Variants in RBFOX1 observed in about 807,000 individuals in gnomAD.
RBFOX1 encodes the protein RNA binding protein fox-1 homolog 1.
Under a neutral mutation model 57.7 loss-of-function variants are expected in RBFOX1, and 8 were observed. The ratio of observed to expected loss-of-function variants is 0.14; its 90% CI spans 0.08 to 0.25. RBFOX1 has a LOEUF of 0.25. Ranked by LOEUF, RBFOX1 falls within the 10% of genes least tolerant of loss-of-function variation. The probability of loss-of-function intolerance (pLI) is 1.00; values close to 1 mark genes in which losing one functional copy is unlikely to be tolerated. For synonymous variants in RBFOX1, 326 were observed against 222.4 expected, an observed-to-expected ratio of 1.47 and a Z score of -4.15; for missense variants, 611 against 548.5, an observed-to-expected ratio of 1.11 and a Z score of -1.14.
At chr16:6,466,729 G>A (rs780231118) in intron 2 of RBFOX1, among the ~76,000 whole-genome samples, 7 of 152,216 alleles carry the variant, frequency 4.6e-5, no homozygotes, top group South Asian at 2.1e-4. Context: ...TGAACTAGGC[G>A]AGGCTCTCTT....
At chr16:6,909,442 G>A (rs185248618) in intron 3 of RBFOX1, among the ~76,000 whole-genome samples, 24 of 152,296 alleles carry the variant, frequency 1.6e-4, no homozygotes, top group Admixed American at 1.2e-3. Context: ...GCAAGGTGAC[G>A]TATTCACACC....
chr16:7,439,220 G>A (rs2098746735), intron 4 of RBFOX1, among the ~76,000 whole-genome samples: 1 of 152,168 alleles, frequency 6.6e-6, no homozygotes, highest in East Asian at 1.9e-4. Flanking sequence ...AAAATCCAGT[G>A]CAAGGAGCAA....
At chr16:6,171,629 G>C (rs987121544) in intron 1 of RBFOX1, among the ~76,000 whole-genome samples, 1 of 152,088 alleles carries the variant, frequency 6.6e-6, no homozygotes, top group African/African-American at 2.4e-5. Context: ...ATTTTCAAGG[G>C]TTAAAAGTAG....
Position 6,243,564 on chromosome 16 carries a change from G to A in RBFOX1, c.-126-73431G>A, listed in dbSNP as rs377027343. On this transcript the variant is annotated intron_variant, in intron 1 of 15. Transcript: ENST00000550418. The stretch of plus-strand genomic sequence containing the variant: ...TCAGTCCTCGTTCAGCAAGAAGCAG[G>A]GTATCATGTCCTCTAATCATGGTCC... 3.9e-5 allele frequency among the ~76,000 whole-genome samples: 6 copies of A among 152,220 alleles called. No individual in the cohort carries two copies. The East Asian group carries it at 9.7e-4, about 25-fold the overall frequency.
At chr16:5,496,974 G>C (rs920829622) in intron 2 of RBFOX1, among the ~76,000 whole-genome samples, 1 of 152,100 alleles carries the variant, frequency 6.6e-6, no homozygotes, top group Non-Finnish European at 1.5e-5. Flanking sequence ...CAATTATCTG[G>C]CATAACTTTT....
intron 4 of RBFOX1, among the ~76,000 whole-genome samples, chr16:7,467,236 A>G (rs1035365546): frequency 4.6e-5 from 7 of 152,168 alleles, no homozygotes; most frequent in South Asian, 2.1e-4. Context: ...GAACTTTCCA[A>G]TGAGTCTCCT....
intron 4 of RBFOX1, among the ~76,000 whole-genome samples, chr16:7,242,805 G>A (rs772228002): frequency 2.0e-5 from 3 of 152,198 alleles, no homozygotes; most frequent in African/African-American, 7.2e-5. Context: ...CAAATTTTCT[G>A]TTTGTTGATT....
intron 4 of RBFOX1, among the ~76,000 whole-genome samples, chr16:7,105,542 T>A (rs187765501): frequency 1.3e-5 from 2 of 152,180 alleles, no homozygotes; most frequent in East Asian, 3.9e-4. Context: ...TGCTTCCTCA[T>A]AGCTTAGCTC....
At chr16:7,621,503 C>T (rs1476126741) in intron 10 of RBFOX1, among the ~76,000 whole-genome samples, 4 of 152,110 alleles carry the variant, frequency 2.6e-5, no homozygotes, top group Non-Finnish European at 2.9e-5. Flanking sequence ...CTCAAGTGAT[C>T]CTCCTGCCTT....
At chr16:5,447,510 G>A (rs576156927) in intron 1 of RBFOX1, among the ~76,000 whole-genome samples, 2 of 152,048 alleles carry the variant, frequency 1.3e-5, no homozygotes, top group Admixed American at 1.3e-4. Flanking sequence ...TGGTTCTCCT[G>A]CCTCAGCCTC....
chr16:7,440,050 C>T (rs2098754346), intron 4 of RBFOX1, among the ~76,000 whole-genome samples: 2 of 148,902 alleles, frequency 1.3e-5, no homozygotes, highest in Non-Finnish European at 3.0e-5. Flanking sequence ...CTCCCGGGTT[C>T]AGGTGATCCT....
intron 4 of RBFOX1, among the ~76,000 whole-genome samples, chr16:7,516,584 C>A (rs564903776): frequency 2.0e-5 from 3 of 152,304 alleles, no homozygotes; most frequent in South Asian, 4.1e-4. Context: ...CATAGGCACA[C>A]CCTCCATGGC....
At chr16:6,504,359 T>A (rs1305565020) in intron 2 of RBFOX1, among the ~76,000 whole-genome samples, 1 of 152,218 alleles carries the variant, frequency 6.6e-6, no homozygotes, top group Non-Finnish European at 1.5e-5. Context: ...GACAGTTTAT[T>A]TCAGAGATCA....
chr16:7,299,499 C>T (rs1424661061), intron 4 of RBFOX1, among the ~76,000 whole-genome samples: 1 of 152,230 alleles, frequency 6.6e-6, no homozygotes, highest in African/African-American at 2.4e-5. Context: ...CCTGTCATTA[C>T]ATGCAAAGCA....
rs540734861 is a variant in RBFOX1, at chr16:6,558,909, G to A, written c.-63-95694G>A. 2.0e-3 allele frequency among the ~76,000 whole-genome samples: 311 copies of A among 152,012 alleles called. 1 individual carries two copies. The highest frequency in any genetic ancestry group is 0.02 in the Middle Eastern group (6 of 294). On this transcript the variant is annotated intron_variant, in intron 2 of 15. Coordinates refer to ENST00000550418, the MANE Select transcript of RBFOX1 (RefSeq NM_018723.4). ...ATTCTGCTCCCTCTGTCTGGAATGT[G>A]CCCCTCCTGCCTCACCACAACCTTT... is the stretch of plus-strand genomic sequence containing the variant.
chr16:6,184,488 C>G (rs1394422542), intron 1 of RBFOX1, among the ~76,000 whole-genome samples: 1 of 152,022 alleles, frequency 6.6e-6, no homozygotes, highest in Non-Finnish European at 1.5e-5. Context: ...ACTATATGAT[C>G]GTATGCTTAG....
chr16:7,700,984 C>A (rs1467793279), intron 14 of RBFOX1, among the ~76,000 whole-genome samples: 1 of 151,670 alleles, frequency 6.6e-6, no homozygotes, highest in African/African-American at 2.4e-5. Flanking sequence ...TGACAGGTAT[C>A]CATGGGCAAA....
chr16:6,617,661 G>A (rs551127956), intron 2 of RBFOX1, among the ~76,000 whole-genome samples: 2 of 152,210 alleles, frequency 1.3e-5, no homozygotes, highest in South Asian at 4.1e-4. Context: ...CACAGGCAGG[G>A]TTTTGACTCT....
At chr16:7,561,264 T>G (rs1331133501) in intron 5 of RBFOX1, among the ~76,000 whole-genome samples, 1 of 152,216 alleles carries the variant, frequency 6.6e-6, no homozygotes, top group Non-Finnish European at 1.5e-5. Flanking sequence ...GTTTACATAT[T>G]ACCCCATGGA....
Sources: gnomAD v4.1 joint callset for allele counts (sites outside exome capture counted in the v4.1 genomes callset) on GRCh38, gnomAD v4.1.1 for gene constraint, MANE v1.5 for transcripts, NCBI Gene and HGNC (gene_info 2026-07-23, HGNC 2026-07-21) for gene names.